The following XRCC3 variants were observed in gnomAD, a reference collection of about 807,000 sequenced individuals.
XRCC3 encodes the protein DNA repair protein XRCC3.
XRCC3 carries 34 observed loss-of-function variants against 29.2 expected under a neutral mutation model. The observed-to-expected ratio is 1.16, with a 90% confidence interval of 0.88 to 1.55. The LOEUF is 1.55. XRCC3 is among the 40% of genes most tolerant of loss of function. The probability of loss-of-function intolerance (pLI) is 0.00; values close to 1 mark genes in which losing one functional copy is unlikely to be tolerated. For synonymous variants in XRCC3, 223 were observed against 211.3 expected (o/e 1.06, Z -0.48); for missense variants, 463 against 467.6 (o/e 0.99, Z 0.09).
At chr14:103,710,755 C>T in intron 4 of XRCC3, 1 of 393,512 alleles carries the variant, frequency 2.5e-6, no homozygotes, top group Non-Finnish European at 4.6e-6. Flanking sequence ...AAAAAAAAAA[C>T]TAAAAGACTT....
At chr14:103,709,711 CT>C (rs1188844073) in intron 4 of XRCC3, 1 of 152,262 alleles carries the variant, frequency 6.6e-6, no homozygotes, top group South Asian at 2.1e-4. Context: ...GGCGCTCCCC[CT>C]GGTAAGCCTC....
intron 7 of XRCC3, chr14:103,699,933 C>T (rs1470239023): frequency 2.8e-6 from 1 of 357,152 alleles, no homozygotes; most frequent in African/African-American, 2.1e-5. Flanking sequence ...GTTTCACCCT[C>T]TCCCCCTCAC....
chr14:103,710,812 G>A, intron 4 of XRCC3: 1 of 568,898 alleles, frequency 1.8e-6, no homozygotes, highest in Non-Finnish European at 3.1e-6. Flanking sequence ...GTATTACTTT[G>A]ATAAAAATAA....
At chr14:103,699,239 C>T in intron 8 of XRCC3, 60 bp from the exon 9 acceptor site, 1 of 1,541,456 alleles carries the variant, frequency 6.5e-7, no homozygotes, top group Non-Finnish European at 8.7e-7. Context: ...TGGTTAGGCA[C>T]AGGCTGCTAC....
chr14:103,708,206 G>A (rs983449329), intron 5 of XRCC3: 1 of 429,366 alleles, frequency 2.3e-6, no homozygotes, highest in Admixed American at 3.5e-5. Flanking sequence ...TTCCCACCCT[G>A]CCAGAGCCTG....
intron 2 of XRCC3, chr14:103,711,991 A>G (rs1264491672): frequency 5.8e-6 from 2 of 347,412 alleles, no homozygotes; most frequent in Non-Finnish European, 1.1e-5. Context: ...AGCAGAGGAA[A>G]GGGCGGGCCG....
chr14:103,708,876 C>G (rs1477728865), intron 4 of XRCC3: 2 of 592,010 alleles, frequency 3.4e-6, no homozygotes, highest in Non-Finnish European at 6.1e-6. Flanking sequence ...ACACTGCGCC[C>G]TGAGTCCTGG....
Position 103,711,099 on chromosome 14 carries a change from G to T in XRCC3, c.-12C>A. Reference sequence around the variant, plus strand: ...AGATCCAAATCCATTTTGTCGGTGGGCTGGCCACCAGGATGAATAACTTCC... The same window carrying T: ...AGATCCAAATCCATTTTGTCGGTGGTCTGGCCACCAGGATGAATAACTTCC... On this transcript the variant is annotated 5_prime_UTR_variant, in exon 4 of 10. Coordinates refer to ENST00000555055, the MANE Select transcript of XRCC3 (RefSeq NM_005432.4). 5 of 1,613,912 alleles carry T rather than the reference G, an allele frequency of 3.1e-6. No homozygotes were observed. The highest frequency in any genetic ancestry group is 4.2e-6 in the Non-Finnish European group (5 of 1,179,840).
Position 103,708,216 on chromosome 14 carries a change from G to A in XRCC3, c.193+306C>T, listed in dbSNP as rs117168092. 1.5e-3 allele frequency: 665 copies of A among 448,192 alleles called. 7 individuals are homozygous for A. In the East Asian group the frequency reaches 0.021, roughly 14 times the overall value. 27.8% of individuals were successfully genotyped at this position (448,192 alleles called of 1,614,324 possible). On this transcript the variant is annotated intron_variant, in intron 5 of 9. Coordinates refer to ENST00000555055, the MANE Select transcript of XRCC3 (RefSeq NM_005432.4). ...CACCGTTCCCACCCTGCCAGAGCCT[G>A]AAGGGCTCTGGGTGCTGACTGCCAA...
At chr14:103,700,704 G>A (rs773975448) in intron 7 of XRCC3, 3 of 1,603,716 alleles carry the variant, frequency 1.9e-6, no homozygotes, top group Non-Finnish European at 2.6e-6. Context: ...CAGCAGCAGT[G>A]GCCTGGAAGA....
intron 1 of XRCC3, among the ~76,000 whole-genome samples, chr14:103,714,700 G>A (rs1375670137): frequency 6.6e-6 from 1 of 152,164 alleles, no homozygotes; most frequent in African/African-American, 2.4e-5. Flanking sequence ...TGCTTTCTGA[G>A]ATGGAGTCTT....
At position 103,703,294 on chromosome 14, in the gene XRCC3, G is replaced by A. The variant is rs1305627468; in HGVS notation, c.440C>T (p.Pro147Leu). ...CATGAGCTGCTGCAGGCGCTTGTGCGGGAAGGCGTCTTCCGTGCAGATGTA... is the reference window on the plus strand; with the variant it reads ...CATGAGCTGCTGCAGGCGCTTGTGCAGGAAGGCGTCTTCCGTGCAGATGTA... ...AVYICTEDAF[P>L]HKRLQQLMAQ... The change falls in exon 7 of 10, where the codon CCG (proline) becomes CTG (leucine). Residue 147 changes from proline to leucine, a missense_variant. Physicochemically the swap from Pro to Leu is moderately conservative, Grantham distance 98 (BLOSUM62 -3). Coordinates refer to ENST00000555055, the MANE Select transcript of XRCC3 (RefSeq NM_005432.4). 9 of 1,555,980 alleles carry A rather than the reference G, an allele frequency of 5.8e-6. No individual in the cohort carries two copies. The highest frequency in any genetic ancestry group is 2.4e-5 in the East Asian group (1 of 41,628).
intron 7 of XRCC3, chr14:103,700,800 G>T (rs1449040991): frequency 2.6e-5 from 32 of 1,214,124 alleles, no homozygotes; most frequent in Admixed American, 4.8e-5. Flanking sequence ...TGCAGGGACT[G>T]GGGGGAGCTG....
At chr14:103,700,570 A>G in intron 7 of XRCC3, 1 of 1,100,940 alleles carries the variant, frequency 9.1e-7, no homozygotes, top group South Asian at 1.3e-5. Flanking sequence ...CTGCAGCCAC[A>G]CGCTGGTGTC....
intron 7 of XRCC3, chr14:103,700,640 G>A: frequency 3.7e-6 from 6 of 1,604,472 alleles, no homozygotes; most frequent in Non-Finnish European, 5.1e-6. Flanking sequence ...AAACTCGTCT[G>A]TGCTTCATCT....
At chr14:103,710,319 A>C (rs1248663229) in intron 4 of XRCC3, 1 of 152,494 alleles carries the variant, frequency 6.6e-6, no homozygotes, top group Non-Finnish European at 1.5e-5. Context: ...GTTGGGGTAC[A>C]CAGGTGTAGG....
At position 103,698,233 on chromosome 14, in the gene XRCC3, G is replaced by T. The variant is rs140813869; in HGVS notation, c.*565C>A. ...TTGTACCACACTGAAGTTTTGTGGG[G>T]CACAGTGTGTGCCGAGGTGGGGCCC... is the stretch of plus-strand genomic sequence containing the variant. On this transcript the variant is annotated 3_prime_UTR_variant, in exon 10 of 10. Transcript: ENST00000555055. 613 of 173,612 alleles carry T rather than the reference G, an allele frequency of 3.5e-3. 4 individuals carry two copies. Among genetic ancestry groups the T allele is most frequent in the African/African-American group, 0.014 (587 of 41,868 alleles). 10.8% of individuals were successfully genotyped at this position (173,612 alleles called of 1,614,324 possible).
At chr14:103,703,735 C>T (rs879438730) in intron 6 of XRCC3, 62 of 290,194 alleles carry the variant, frequency 2.1e-4, no homozygotes, top group Non-Finnish European at 3.5e-4. Flanking sequence ...CCCTGAGCCC[C>T]GACACATGGC....
chr14:103,705,520 T>TC (rs2083404569), intron 6 of XRCC3: 1 of 152,246 alleles, frequency 6.6e-6, no homozygotes, highest in Admixed American at 6.5e-5. Flanking sequence ...CGCTTTCTTT[T>TC]CAAAATTCGG....
Sources: allele counts gnomAD v4.1 joint callset (sites outside exome capture counted in the v4.1 genomes callset), GRCh38; gene constraint gnomAD v4.1.1; transcripts MANE v1.5; gene names NCBI Gene and HGNC (gene_info 2026-07-23, HGNC 2026-07-21).